Variants in PTPRG observed in about 807,000 individuals in gnomAD.
PTPRG encodes the protein receptor-type tyrosine-protein phosphatase gamma.
A neutral mutation model predicts 165.3 loss-of-function variants in PTPRG; 102 were observed. The ratio of observed to expected loss-of-function variants is 0.62; its 90% CI spans 0.53 to 0.73. The LOEUF (loss-of-function observed/expected upper bound fraction) is 0.73, where lower values mean the gene tolerates loss of function less well. PTPRG is among the 30% of genes least tolerant of loss of function. The pLI, the probability that PTPRG is intolerant of heterozygous loss-of-function variation, is 0.00. For synonymous variants in PTPRG, 675 were observed against 669.5 expected (o/e 1.01, Z -0.13); for missense variants, 1,866 against 1,861.4 (o/e 1.00, Z -0.05).
intron 2 of PTPRG, among the ~76,000 whole-genome samples, chr3:61,937,226 T>C (rs1238787176): frequency 6.6e-6 from 1 of 152,190 alleles, no homozygotes; most frequent in Non-Finnish European, 1.5e-5. Flanking sequence ...AGAGTCAACC[T>C]AGGCAAGCAA....
At chr3:61,903,017 A>T (rs979673909) in intron 2 of PTPRG, among the ~76,000 whole-genome samples, 3 of 152,130 alleles carry the variant, frequency 2.0e-5, no homozygotes, top group South Asian at 2.1e-4. Context: ...GCATAGGCAC[A>T]TGTAAGACCT....
intron 2 of PTPRG, among the ~76,000 whole-genome samples, chr3:61,902,254 T>G (rs993242708): frequency 2.6e-5 from 4 of 152,194 alleles, no homozygotes; most frequent in Admixed American, 1.3e-4. Context: ...AGGTAGTCTT[T>G]CTGCCTGCTT....
chr3:61,714,213 A>G (rs189816591), intron 1 of PTPRG, among the ~76,000 whole-genome samples: 43 of 152,266 alleles, frequency 2.8e-4, no homozygotes, highest in African/African-American at 9.9e-4. Context: ...TGAACCTTGC[A>G]TGGTGGACTA....
At chr3:62,162,456 G>A (rs1704804223) in intron 7 of PTPRG, among the ~76,000 whole-genome samples, 1 of 152,190 alleles carries the variant, frequency 6.6e-6, no homozygotes, top group Admixed American at 6.5e-5. Flanking sequence ...TTCATTAGTT[G>A]TATTAAAGTC....
At chr3:62,032,429 T>C (rs545973223) in intron 4 of PTPRG, among the ~76,000 whole-genome samples, 7 of 152,290 alleles carry the variant, frequency 4.6e-5, no homozygotes, top group Non-Finnish European at 1.0e-4. Flanking sequence ...ATACCGAATA[T>C]ACTATTGTAG....
At chr3:61,588,237 T>A (rs1287620026) in intron 1 of PTPRG, among the ~76,000 whole-genome samples, 1 of 152,150 alleles carries the variant, frequency 6.6e-6, no homozygotes, top group East Asian at 1.9e-4. Context: ...TCGTTTCAAC[T>A]CTTTTTGATC....
At chr3:62,081,913 G>A (rs1344998273) in intron 5 of PTPRG, among the ~76,000 whole-genome samples, 1 of 152,040 alleles carries the variant, frequency 6.6e-6, no homozygotes, top group Non-Finnish European at 1.5e-5. Context: ...ACATCTATTC[G>A]ATGCCAGGAG....
chr3:62,243,987 A>G, intron 15 of PTPRG, 89 bp downstream of exon 15: 1 of 801,208 alleles, frequency 1.2e-6, no homozygotes, highest in Non-Finnish European at 2.0e-6. Flanking sequence ...AAAATATTTT[A>G]TAGCCTTTTA....
chr3:62,044,747 G>A (rs947866275), intron 4 of PTPRG, among the ~76,000 whole-genome samples: 1 of 151,996 alleles, frequency 6.6e-6, no homozygotes, highest in Non-Finnish European at 1.5e-5. Flanking sequence ...TCTCAGATAC[G>A]TCATTGCCCA....
intron 26 of PTPRG, among the ~76,000 whole-genome samples, chr3:62,277,975 A>T (rs981071011): frequency 3.9e-5 from 6 of 152,096 alleles, no homozygotes; most frequent in African/African-American, 1.4e-4. Flanking sequence ...ATATATGACT[A>T]CACCAACCTC....
chr3:62,186,771 T>G (rs1433968285), intron 8 of PTPRG, among the ~76,000 whole-genome samples: 8 of 152,044 alleles, frequency 5.3e-5, no homozygotes, highest in African/African-American at 9.7e-5. Flanking sequence ...TTCACCATGT[T>G]GTCCAGGTTG....
chr3:61,764,097 GA>G (rs2033940422), intron 2 of PTPRG, among the ~76,000 whole-genome samples: 1 of 152,170 alleles, frequency 6.6e-6, no homozygotes, highest in African/African-American at 2.4e-5. Flanking sequence ...ACATATTATT[GA>G]GTACTGAAGA....
chr3:62,033,072 A>G (rs1699821174), intron 4 of PTPRG, among the ~76,000 whole-genome samples: 1 of 152,144 alleles, frequency 6.6e-6, no homozygotes, highest in African/African-American at 2.4e-5. Context: ...CTATAAAAGT[A>G]TTATATGTGT....
intron 4 of PTPRG, among the ~76,000 whole-genome samples, chr3:62,046,405 G>A (rs527957893): frequency 3.9e-5 from 6 of 152,160 alleles, no homozygotes; most frequent in African/African-American, 1.4e-4. Context: ...CTTTAGAGAG[G>A]TCAATAGCAG....
rs190262841 is a variant in PTPRG, at chr3:62,294,597, G to A, written c.*1290G>A. The A allele has an allele frequency of 1.3e-5, 2 of 152,088 alleles. No homozygotes were observed. The highest frequency in any genetic ancestry group is 2.9e-5 in the Non-Finnish European group (2 of 68,000). 9.4% of individuals were successfully genotyped at this position (152,088 alleles called of 1,614,324 possible). On this transcript the variant is annotated 3_prime_UTR_variant, in exon 30 of 30. Coordinates refer to ENST00000474889, the MANE Select transcript of PTPRG (RefSeq NM_002841.4). ...CATTAGAGCTCAAGGAAGTTATTAG[G>A]TGCAGCCTCTGGAGCCATACTCACG...
intron 5 of PTPRG, among the ~76,000 whole-genome samples, chr3:62,119,777 C>A (rs1365642366): frequency 6.8e-6 from 1 of 147,126 alleles, no homozygotes; most frequent in African/African-American, 2.5e-5. Context: ...TGGGCCACCA[C>A]GCCTGGCTAA....
At chr3:61,636,714 G>A (rs1701919239) in intron 1 of PTPRG, among the ~76,000 whole-genome samples, 1 of 152,154 alleles carries the variant, frequency 6.6e-6, no homozygotes, top group Non-Finnish European at 1.5e-5. Flanking sequence ...TTCTTTATGG[G>A]TATTTGGGTA....
chr3:62,254,901 T>A lies in PTPRG; in HGVS notation c.2468-223T>A, dbSNP rs1046916318. On this transcript the variant is annotated intron_variant, in intron 15 of 29. Coordinates refer to ENST00000474889, the MANE Select transcript of PTPRG (RefSeq NM_002841.4). The surrounding 1 kb of genome is among the most constrained non-coding windows in gnomAD (Gnocchi z 4.6). ...GGGGAATTCTCTATGTACCTTTTTT[T>A]AAAAACCATATTTAACCTGGCTTGT... 5.9e-5 allele frequency among the ~76,000 whole-genome samples: 9 copies of A among 152,160 alleles called. No homozygotes were observed. The highest frequency in any genetic ancestry group is 1.2e-4 in the Non-Finnish European group (8 of 68,022).
In PTPRG at chr3:62,191,663, C is replaced by T. The variant is rs1473071928; in HGVS notation, c.1218+10C>T. On this transcript the variant is annotated intron_variant, in intron 9 of 29. Transcript: ENST00000474889. The stretch of plus-strand genomic sequence containing the variant: ...CAGCGACAAAGACTTGGTATGAAGC[C>T]CCTCCTCTGATTCAGGGTACATGCT... 1 of 1,612,482 alleles carries T rather than the reference C, an allele frequency of 6.2e-7. No homozygotes were observed. Among genetic ancestry groups the T allele is most frequent in the Admixed American group, 1.7e-5 (1 of 59,970 alleles).
Sources: gnomAD v4.1 joint callset for allele counts (sites outside exome capture counted in the v4.1 genomes callset) on GRCh38, gnomAD v4.1.1 for gene constraint, Gnocchi (gnomAD v3.1) non-coding constraint, MANE v1.5 for transcripts, NCBI Gene and HGNC (gene_info 2026-07-23, HGNC 2026-07-21) for gene names.